NWD1: variants seen among roughly 807,000 people sequenced by gnomAD.
NWD1 encodes NACHT and WD repeat domain containing 1, also known as NACHT domain- and WD repeat-containing protein 1.
Under a neutral mutation model 135.1 loss-of-function variants are expected in NWD1, and 129 were observed. That is an observed-to-expected ratio of 0.96 (90% confidence interval 0.83 to 1.11). NWD1 has a LOEUF of 1.11. Among genes scored for constraint, NWD1 ranks in the 50% least tolerant of loss-of-function variants. The pLI is 0.00. For synonymous variants in NWD1, 773 were observed against 786.0 expected (o/e 0.98, Z 0.28); for missense variants, 1,740 against 1,851.3 (o/e 0.94, Z 1.10).
intron 1 of NWD1, among the ~76,000 whole-genome samples, chr19:16,723,569 C>T (rs2122658100): frequency 6.6e-6 from 1 of 152,296 alleles, no homozygotes; most frequent in Middle Eastern, 3.4e-3. Context: ...ACCTCAGCCT[C>T]TCAAAGTGCC....
rs746648153 is a variant in NWD1 at position 16,794,486 on chromosome 19, G to A, written c.3237G>A (p.Leu1079=). 9.3e-6 allele frequency: 15 copies of A among 1,611,540 alleles called. No homozygotes were observed. The Admixed American group carries it at 2.2e-4, about 23-fold the overall frequency. Residue 1079 remains leucine, a synonymous_variant, in exon 15 of 19, where the codon TTG becomes TTA. Transcript: ENST00000524140. ...ISLVSSKGDR[L]LEKLPDAVRF... Reference sequence around the variant, plus strand: ...AGGTTTCCTCCAAAGGGGACAGATTGCTGGAGAAGCTTCCAGATGCTGTGA... The same window carrying A: ...AGGTTTCCTCCAAAGGGGACAGATTACTGGAGAAGCTTCCAGATGCTGTGA...
At chr19:16,807,554 T>C in intron 17 of NWD1, 32 bp from the exon 18 acceptor site, 3 of 1,494,986 alleles carry the variant, frequency 2.0e-6, no homozygotes, top group Non-Finnish European at 2.7e-6. Context: ...TCACTCTCAG[T>C]GTAAGTCATT....
intron 2 of NWD1, among the ~76,000 whole-genome samples, chr19:16,724,833 C>T (rs952134524): frequency 1.3e-5 from 2 of 151,840 alleles, no homozygotes; most frequent in Admixed American, 6.6e-5. Flanking sequence ...GCTGGGACTA[C>T]AGGCATGTGA....
chr19:16,805,929 C>T (rs1970734655), intron 17 of NWD1, among the ~76,000 whole-genome samples: 2 of 150,726 alleles, frequency 1.3e-5, no homozygotes, highest in Non-Finnish European at 3.0e-5. Context: ...AGTGCAGTGG[C>T]GTAATCTTGA....
intron 6 of NWD1, 92 bp downstream of exon 6, chr19:16,750,503 G>T: frequency 1.0e-6 from 1 of 992,008 alleles, no homozygotes; most frequent in South Asian, 1.8e-5. Context: ...CACCCAGGCT[G>T]GAGTGCAGTG....
intron 10 of NWD1, among the ~76,000 whole-genome samples, chr19:16,766,394 CCT>C (rs1320555270): frequency 6.6e-6 from 1 of 151,976 alleles, no homozygotes; most frequent in African/African-American, 2.4e-5. Context: ...AGAGCGAGAC[CCT>C]GTCTCAAAAC....
At chr19:16,746,844 T>C (rs367554820) in intron 5 of NWD1, among the ~76,000 whole-genome samples, 1 of 152,118 alleles carries the variant, frequency 6.6e-6, no homozygotes, top group African/African-American at 2.4e-5. Flanking sequence ...CATAAGTGGA[T>C]CATCAGTCAC....
At chr19:16,785,789 TATAA>T (rs960659250) in intron 12 of NWD1, among the ~76,000 whole-genome samples, 81 of 147,634 alleles carry the variant, frequency 5.5e-4, no homozygotes, top group African/African-American at 1.9e-3. Flanking sequence ...TACATAAATA[TATAA>T]ATATATACTA....
intron 3 of NWD1, among the ~76,000 whole-genome samples, chr19:16,733,394 A>C (rs1244695850): frequency 6.6e-6 from 1 of 151,662 alleles, no homozygotes; most frequent in East Asian, 1.9e-4. Context: ...GGTGACACGC[A>C]CCTGTAATCC....
intron 4 of NWD1, among the ~76,000 whole-genome samples, chr19:16,738,566 C>CGAAA (rs1967933526): frequency 1.1e-5 from 1 of 91,530 alleles, no homozygotes; most frequent in African/African-American, 3.8e-5. Context: ...GAGACTCTGT[C>CGAAA]AAAAAAAAAA....
rs1282113670 is a variant in NWD1, at chr19:16,750,218, A to C, written c.1576A>C (p.Ser526Arg). 6.2e-7 allele frequency: 1 copy of C among 1,613,288 alleles called. No individual in the cohort carries two copies. Among genetic ancestry groups the C allele is most frequent in the African/African-American group, 1.3e-5 (1 of 75,020 alleles). The change falls in exon 6 of 19, where the codon AGC becomes CGC. Residue 526 changes from serine (S) to arginine (R), a missense_variant. By Grantham distance (110) the Ser-to-Arg change is moderately radical. Coordinates refer to ENST00000524140, the MANE Select transcript of NWD1 (RefSeq NM_001007525.5). The part of the protein sequence containing the change: ...SPVHTDLLWA[S>R]LPECGNPGRL... ...GGTGCACACAGATTTGCTCTGGGCC[A>C]GCCTCCCAGAGTGTGGGAACCCAGG...
chr19:16,750,278 T>A lies in NWD1; in HGVS notation c.1636T>A (p.Trp546Arg), dbSNP rs750875351. The part of the protein sequence containing the change: ...LRLAFEEARK[W>R]ASFTVPVPLA... Reference sequence around the variant, plus strand: ...GCTGGCGTTTGAGGAAGCCCGGAAATGGGCCTCTTTCACCGTGCCTGTCCC... The same window carrying A: ...GCTGGCGTTTGAGGAAGCCCGGAAAAGGGCCTCTTTCACCGTGCCTGTCCC... Residue 546 changes from tryptophan to arginine, a missense_variant, in exon 6 of 19, where the codon TGG becomes AGG. Physicochemically the swap from Trp to Arg is moderately radical, Grantham distance 101. Transcript: ENST00000524140. 6.2e-7 allele frequency: 1 copy of A among 1,613,556 alleles called. No individual in the cohort carries two copies. Among genetic ancestry groups the A allele is most frequent in the Non-Finnish European group, 8.5e-7 (1 of 1,179,872 alleles).
At chr19:16,791,739 GT>G in intron 14 of NWD1, 117 bp downstream of exon 14, 1 of 1,123,866 alleles carries the variant, frequency 8.9e-7, no homozygotes, top group Non-Finnish European at 1.3e-6. Flanking sequence ...TGGAGATGAA[GT>G]TTCACTTTTG....
intron 1 of NWD1, among the ~76,000 whole-genome samples, chr19:16,723,946 T>G (rs1368730743): frequency 1.3e-5 from 2 of 152,154 alleles, no homozygotes; most frequent in East Asian, 3.9e-4. Flanking sequence ...TCGGCCCGCC[T>G]TGGCCTCCCA....
At chr19:16,770,766 A>T (rs1969387918) in intron 10 of NWD1, among the ~76,000 whole-genome samples, 2 of 152,180 alleles carry the variant, frequency 1.3e-5, no homozygotes, top group Admixed American at 6.6e-5. Context: ...GTCATATGAT[A>T]GCATTGTTGA....
At chr19:16,738,750 AT>A (rs1967947742) in intron 4 of NWD1, among the ~76,000 whole-genome samples, 1 of 135,528 alleles carries the variant, frequency 7.4e-6, no homozygotes, top group African/African-American at 3.1e-5. Flanking sequence ...TATATATATT[AT>A]ATATATATAA....
At chr19:16,757,082 C>A (rs1057180556) in intron 6 of NWD1, among the ~76,000 whole-genome samples, 2 of 151,958 alleles carry the variant, frequency 1.3e-5, no homozygotes, top group Admixed American at 1.3e-4. Context: ...AGAATTATTT[C>A]GTTATATATT....
chr19:16,799,000 C>T (rs1389338832), intron 16 of NWD1, among the ~76,000 whole-genome samples: 2 of 150,498 alleles, frequency 1.3e-5, no homozygotes, highest in African/African-American at 4.9e-5. Flanking sequence ...GTTTACAGGG[C>T]ACCCTCTAAA....
In NWD1 at chr19:16,744,658, C is replaced by T; in HGVS notation, c.436C>T (p.Gln146Ter). 1 of 1,535,846 alleles carries T rather than the reference C, an allele frequency of 6.5e-7. No homozygotes were observed. Among genetic ancestry groups the T allele is most frequent in the Non-Finnish European group, 8.7e-7 (1 of 1,146,808 alleles). The change falls in exon 5 of 19, where the codon CAG (glutamine) becomes TAG (stop). Residue 146 changes from glutamine (Q) to a stop codon, truncating the protein, a stop_gained. Coordinates refer to ENST00000524140, the MANE Select transcript of NWD1 (RefSeq NM_001007525.5). LOFTEE classifies it high-confidence loss of function. Reference sequence around the variant, plus strand: ...AACTTCTGTCCTACGCTCTGGAGCCCAGGAGGCCCGGAGGCTGGGGCTCAT... The same window carrying T: ...AACTTCTGTCCTACGCTCTGGAGCCTAGGAGGCCCGGAGGCTGGGGCTCAT... Reference protein sequence around the residue: ...TLTSVLRSGAQEARRLGLITQ... With the variant: ...TLTSVLRSGA
Sources: allele counts gnomAD v4.1 joint callset (sites outside exome capture counted in the v4.1 genomes callset), GRCh38; gene constraint gnomAD v4.1.1; transcripts MANE v1.5; gene names NCBI Gene and HGNC (gene_info 2026-07-23, HGNC 2026-07-21).